Variants in JARID2 observed in about 807,000 individuals in gnomAD.
JARID2 encodes jumonji and AT-rich interaction domain containing 2.
A neutral mutation model predicts 125.6 loss-of-function variants in JARID2; 21 were observed. The ratio of observed to expected loss-of-function variants is 0.17; its 90% CI spans 0.12 to 0.24. The LOEUF is 0.24. Among genes scored for constraint, JARID2 ranks in the 10% least tolerant of loss-of-function variants. JARID2 has a pLI of 1.00. For synonymous variants in JARID2, 736 were observed against 661.6 expected (o/e 1.11, Z -1.73); for missense variants, 1,303 against 1,639.6 (o/e 0.79, Z 3.55).
At chr6:15,292,850 G>C (rs932673066) in intron 1 of JARID2, among the ~76,000 whole-genome samples, 2 of 151,990 alleles carry the variant, frequency 1.3e-5, no homozygotes, top group Non-Finnish European at 2.9e-5. Flanking sequence ...TTTATTTTTT[G>C]TAGACACGAG....
chr6:15,517,409 G>A (rs1431571784), intron 17 of JARID2, 141 bp downstream of exon 17: 1 of 641,856 alleles, frequency 1.6e-6, no homozygotes, highest in Non-Finnish European at 2.8e-6. Flanking sequence ...CCTGTTCTTA[G>A]GCCCTAAACC....
In JARID2 at chr6:15,282,549, T is replaced by G. The variant is rs534576649; in HGVS notation, c.45+35965T>G. ...CTTTTGTTCTCTCTCTTTCTCTCTC[T>G]GTCTTTGTCTTTCTCTCTTTCTCTT... On this transcript the variant is annotated intron_variant, in intron 1 of 17. Transcript: ENST00000341776. 7.2e-5 allele frequency among the ~76,000 whole-genome samples: 11 copies of G among 152,134 alleles called. 1 individual carries two copies. In the South Asian group the frequency reaches 2.3e-3, roughly 32 times the overall value.
chr6:15,345,585 A>G (rs1037278787), intron 1 of JARID2, among the ~76,000 whole-genome samples: 1 of 152,242 alleles, frequency 6.6e-6, no homozygotes, highest in Non-Finnish European at 1.5e-5. Context: ...ATAATTAAAC[A>G]TATTAATTTA....
At chr6:15,270,054 G>C (rs1760237152) in intron 1 of JARID2, among the ~76,000 whole-genome samples, 1 of 152,168 alleles carries the variant, frequency 6.6e-6, no homozygotes. Flanking sequence ...TCTTTCTGTA[G>C]ATCCTAGCAC....
At position 15,520,884 on chromosome 6, in the gene JARID2, C is replaced by T. The variant is rs1489200769; in HGVS notation, c.*633C>T. 2.2e-6 allele frequency: 1 copy of T among 455,148 alleles called. No individual in the cohort carries two copies. The highest frequency in any genetic ancestry group is 4.4e-6 in the Non-Finnish European group (1 of 226,414). The allele number at this position is 455,148 out of a possible 1,614,324, so 28.2% of individuals were successfully genotyped here. A position where few individuals can be genotyped will look rare whatever the true frequency, so the allele number is the denominator to read the frequency against. On this transcript the variant is annotated 3_prime_UTR_variant, in exon 18 of 18. Coordinates refer to ENST00000341776, the MANE Select transcript of JARID2 (RefSeq NM_004973.4). ...AGACGGGAGCGAGTGGGCTCTCCAC[C>T]AGCACATCACTATGCATCTGTTCCA...
chr6:15,476,102 C>T (rs1769330240), intron 5 of JARID2, among the ~76,000 whole-genome samples: 1 of 152,186 alleles, frequency 6.6e-6, no homozygotes. Flanking sequence ...ACATCTGTAT[C>T]CTCCCCAGAG....
At chr6:15,487,826 G>A (rs1769956509) in intron 6 of JARID2, among the ~76,000 whole-genome samples, 1 of 88,214 alleles carries the variant, frequency 1.1e-5, no homozygotes. Context: ...ACCCACCCTG[G>A]GCTCCAGATG....
At chr6:15,451,030 G>C (rs1415736451) in intron 3 of JARID2, among the ~76,000 whole-genome samples, 1 of 152,176 alleles carries the variant, frequency 6.6e-6, no homozygotes, top group Non-Finnish European at 1.5e-5. Context: ...GGGCGTGGTG[G>C]TGCACGCCTG....
chr6:15,325,924 G>T (rs1337865898), intron 1 of JARID2, among the ~76,000 whole-genome samples: 1 of 152,196 alleles, frequency 6.6e-6, no homozygotes, highest in Non-Finnish European at 1.5e-5. Context: ...GTGGAAAGCA[G>T]TGCCACTTTT....
intron 5 of JARID2, among the ~76,000 whole-genome samples, chr6:15,471,874 C>T (rs1361133609): frequency 6.6e-6 from 1 of 152,094 alleles, no homozygotes; most frequent in Non-Finnish European, 1.5e-5. Flanking sequence ...CTGTCATTGC[C>T]ACTAGGAGTC....
At chr6:15,284,853 T>G (rs746063025) in intron 1 of JARID2, among the ~76,000 whole-genome samples, 17 of 152,148 alleles carry the variant, frequency 1.1e-4, no homozygotes, top group Non-Finnish European at 2.5e-4. Context: ...ATTATGCTAT[T>G]GTGTTTACTT....
chr6:15,444,239 C>T (rs1044865161), intron 3 of JARID2, among the ~76,000 whole-genome samples: 4 of 152,114 alleles, frequency 2.6e-5, no homozygotes, highest in South Asian at 4.1e-4. Context: ...AAACCCTGAC[C>T]GTTTAAAACT....
chr6:15,457,037 A>G (rs927033923), intron 4 of JARID2, among the ~76,000 whole-genome samples: 7 of 152,060 alleles, frequency 4.6e-5, no homozygotes, highest in African/African-American at 1.7e-4. Context: ...GTTTGTGACT[A>G]TTTTACTGAG....
chr6:15,485,821 T>C (rs1207121767), intron 5 of JARID2, among the ~76,000 whole-genome samples: 1 of 152,162 alleles, frequency 6.6e-6, no homozygotes, highest in African/African-American at 2.4e-5. Context: ...TAAAATTCCA[T>C]GTGAGATTGA....
intron 17 of JARID2, among the ~76,000 whole-genome samples, chr6:15,517,496 A>T (rs1259615670): frequency 1.3e-5 from 2 of 152,184 alleles, no homozygotes; most frequent in East Asian, 3.9e-4. Flanking sequence ...ATGGGCTCTT[A>T]ACAGGGCTGA....
At chr6:15,517,030 G>A (rs750079039) in intron 16 of JARID2, 131 bp from the exon 17 acceptor site, 8 of 656,420 alleles carry the variant, frequency 1.2e-5, no homozygotes, top group Non-Finnish European at 1.9e-5. Context: ...GGCCCGGGTG[G>A]TGGGTGCTGG....
intron 1 of JARID2, among the ~76,000 whole-genome samples, chr6:15,349,148 C>A (rs550740388): frequency 2.8e-4 from 42 of 152,154 alleles, no homozygotes; most frequent in Non-Finnish European, 4.6e-4. Context: ...TGGATCCCAT[C>A]TATGAAGTCA....
At chr6:15,269,303 T>A (rs971509223) in intron 1 of JARID2, among the ~76,000 whole-genome samples, 1 of 152,176 alleles carries the variant, frequency 6.6e-6, no homozygotes, top group Non-Finnish European at 1.5e-5. Context: ...AGTTTCTGAC[T>A]CGATAACTGC....
chr6:15,343,763 AATG>A, intron 1 of JARID2, among the ~76,000 whole-genome samples: 1 of 152,310 alleles, frequency 6.6e-6, no homozygotes, highest in Middle Eastern at 3.4e-3. Flanking sequence ...ATCTTGGCAT[AATG>A]ATCACAAGAC....
Sources: gnomAD v4.1 joint callset for allele counts (sites outside exome capture counted in the v4.1 genomes callset) on GRCh38, gnomAD v4.1.1 for gene constraint, MANE v1.5 for transcripts, NCBI Gene and HGNC (gene_info 2026-07-23, HGNC 2026-07-21) for gene names.